Variants in SMIM14 observed in about 807,000 individuals in gnomAD.
The protein encoded by SMIM14 is small integral membrane protein 14, also known as chromosome 4 open reading frame 34.
Under a neutral mutation model 12.6 loss-of-function variants are expected in SMIM14, and 5 were observed. That is an observed-to-expected ratio of 0.40 (90% CI 0.21 to 0.83). The LOEUF is 0.83. Among genes scored for constraint, SMIM14 ranks in the 40% least tolerant of loss-of-function variants. The probability of loss-of-function intolerance (pLI) is 0.37; values close to 1 mark genes in which losing one functional copy is unlikely to be tolerated. For synonymous variants in SMIM14, 30 were observed against 40.1 expected (o/e 0.75, Z 0.95); for missense variants, 86 against 119.1 (o/e 0.72, Z 1.29).
chr4:39,552,675 T>C (rs911124201), intron 4 of SMIM14, among the ~76,000 whole-genome samples: 3 of 152,194 alleles, frequency 2.0e-5, no homozygotes, highest in Admixed American at 2.0e-4. Context: ...ATGAAGTTGT[T>C]AGTATGAGGA....
At chr4:39,622,666 T>C (rs1202434256) in intron 1 of SMIM14, among the ~76,000 whole-genome samples, 1 of 152,150 alleles carries the variant, frequency 6.6e-6, no homozygotes, top group Admixed American at 6.5e-5. Flanking sequence ...TCCCCAAGTG[T>C]TGGGATTACA....
chr4:39,606,323 G>A lies in SMIM14; in HGVS notation c.-35-1143C>T, dbSNP rs1200916170. On this transcript the variant is annotated intron_variant, in intron 1 of 4. Coordinates refer to ENST00000295958, the MANE Select transcript of SMIM14 (RefSeq NM_174921.3). ...ATCACGCCACTGCATTCCAGCCTGG[G>A]CAACACAGTGAGTTCATGTTTAAAA... Among the ~76,000 whole-genome samples, 19 of 147,738 alleles carry A rather than the reference G, an allele frequency of 1.3e-4. No individual in the cohort carries two copies. The Admixed American group carries it at 1.3e-3, about 10-fold the overall frequency.
At chr4:39,571,643 A>G (rs1425161697) in intron 3 of SMIM14, among the ~76,000 whole-genome samples, 1 of 152,162 alleles carries the variant, frequency 6.6e-6, no homozygotes, top group Non-Finnish European at 1.5e-5. Context: ...ACAGATGCAA[A>G]TAGATGTTAG....
intron 1 of SMIM14, among the ~76,000 whole-genome samples, chr4:39,632,826 CAAAAGA>C (rs1175989037): frequency 2.0e-4 from 24 of 117,840 alleles, no homozygotes; most frequent in African/African-American, 7.7e-4. Flanking sequence ...CACACACACA[CAAAAGA>C]AAAAGAAAAA....
At chr4:39,607,128 C>T (rs1454137566) in intron 1 of SMIM14, among the ~76,000 whole-genome samples, 1 of 152,100 alleles carries the variant, frequency 6.6e-6, no homozygotes, top group Non-Finnish European at 1.5e-5. Context: ...ACAGTGAGAA[C>T]CCATCTCTGA....
chr4:39,553,599 T>G (rs1419280673), intron 4 of SMIM14, among the ~76,000 whole-genome samples: 18 of 151,696 alleles, frequency 1.2e-4, no homozygotes, highest in Admixed American at 2.6e-4. Flanking sequence ...ATGCCGGTTT[T>G]TTTTTTTTTT....
intron 2 of SMIM14, among the ~76,000 whole-genome samples, chr4:39,590,997 T>A (rs1360060733): frequency 2.0e-5 from 3 of 152,098 alleles, no homozygotes; most frequent in Non-Finnish European, 4.4e-5. Context: ...CAGTTGTCCC[T>A]TGGTATCTGC....
At chr4:39,598,785 C>T (rs1012742598) in intron 2 of SMIM14, among the ~76,000 whole-genome samples, 2 of 152,084 alleles carry the variant, frequency 1.3e-5, no homozygotes, top group African/African-American at 4.8e-5. Context: ...CTAGACTCAC[C>T]AGGTATTCTA....
chr4:39,611,518 A>C (rs555766915), intron 1 of SMIM14, among the ~76,000 whole-genome samples: 1 of 152,102 alleles, frequency 6.6e-6, no homozygotes, highest in East Asian at 1.9e-4. Flanking sequence ...AAAAAAAAAA[A>C]AAACAATTAG....
At chr4:39,557,495 C>T (rs1278965473) in intron 3 of SMIM14, among the ~76,000 whole-genome samples, 5 of 152,092 alleles carry the variant, frequency 3.3e-5, no homozygotes, top group African/African-American at 1.2e-4. Flanking sequence ...GGGTCTTCAA[C>T]TGAGGTCTTG....
intron 4 of SMIM14, among the ~76,000 whole-genome samples, chr4:39,554,654 C>CTTTTTT (rs111326390): frequency 2.1e-5 from 2 of 95,192 alleles, no homozygotes; most frequent in African/African-American, 3.9e-5. Flanking sequence ...GGAAATTTTC[C>CTTTTTT]TTTTTTTTTT....
intron 2 of SMIM14, among the ~76,000 whole-genome samples, chr4:39,574,237 CTTTTTT>C (rs11338888): frequency 1.6e-5 from 2 of 126,884 alleles, no homozygotes; most frequent in Non-Finnish European, 3.3e-5. Context: ...CTGCAACTTT[CTTTTTT>C]TTTTTTTTTT....
intron 2 of SMIM14, among the ~76,000 whole-genome samples, chr4:39,590,205 G>A (rs1713993664): frequency 6.6e-6 from 1 of 151,790 alleles, no homozygotes; most frequent in Non-Finnish European, 1.5e-5. Context: ...CCTGAGGTTG[G>A]GAGTTCGAGA....
chr4:39,590,142 G>A (rs972442518), intron 2 of SMIM14, among the ~76,000 whole-genome samples: 8 of 151,402 alleles, frequency 5.3e-5, no homozygotes, highest in South Asian at 2.1e-4. Flanking sequence ...TGCAAGGCAC[G>A]GTGGCTCACA....
intron 1 of SMIM14, among the ~76,000 whole-genome samples, chr4:39,609,708 T>G (rs978399820): frequency 2.2e-4 from 33 of 152,132 alleles, no homozygotes; most frequent in African/African-American, 4.8e-5. Context: ...AAGAGCAATG[T>G]GAAGAACAAT....
chr4:39,638,678 A>G (rs1181630192), intron 1 of SMIM14, 61 bp downstream of exon 1: 6 of 984,018 alleles, frequency 6.1e-6, no homozygotes, highest in Middle Eastern at 5.2e-4. Flanking sequence ...GCCCCCAGGA[A>G]AAACTGGGGC....
chr4:39,630,712 A>C (rs1715866910), intron 1 of SMIM14, among the ~76,000 whole-genome samples: 1 of 151,904 alleles, frequency 6.6e-6, no homozygotes, highest in South Asian at 2.1e-4. Flanking sequence ...AAATACAAAA[A>C]TTAGCTGAGC....
intron 2 of SMIM14, among the ~76,000 whole-genome samples, chr4:39,575,707 C>T (rs1487624283): frequency 1.3e-5 from 2 of 151,132 alleles, no homozygotes; most frequent in Non-Finnish European, 1.5e-5. Flanking sequence ...ACCTTAGCCT[C>T]CTGAGTGGCT....
chr4:39,632,487 A>G (rs927095391), intron 1 of SMIM14, among the ~76,000 whole-genome samples: 1 of 151,616 alleles, frequency 6.6e-6, no homozygotes, highest in Non-Finnish European at 1.5e-5. Flanking sequence ...TCAAAAAAAA[A>G]AAAAAAAAAA....
Sources: allele counts gnomAD v4.1 joint callset (sites outside exome capture counted in the v4.1 genomes callset), GRCh38; gene constraint gnomAD v4.1.1; transcripts MANE v1.5; gene names NCBI Gene and HGNC (gene_info 2026-07-23, HGNC 2026-07-21).